Variants in ST6GALNAC3 observed in about 807,000 individuals in gnomAD.
The protein encoded by ST6GALNAC3 is alpha-N-acetylgalactosaminide alpha-2,6-sialyltransferase 3.
Under a neutral mutation model 32.7 loss-of-function variants are expected in ST6GALNAC3, and 25 were observed. The ratio of observed to expected loss-of-function variants is 0.76; its 90% CI spans 0.56 to 1.07. ST6GALNAC3 has a LOEUF of 1.07. Among genes scored for constraint, ST6GALNAC3 ranks in the 50% least tolerant of loss-of-function variants. The pLI, the probability that ST6GALNAC3 is intolerant of heterozygous loss-of-function variation, is 0.00. For missense variants in ST6GALNAC3, 355 were observed against 382.4 expected, an observed-to-expected ratio of 0.93 and a Z score of 0.60; for synonymous variants, 129 against 133.1, an observed-to-expected ratio of 0.97 and a Z score of 0.21.
intron 1 of ST6GALNAC3, among the ~76,000 whole-genome samples, chr1:76,239,342 T>A (rs141509354): frequency 3.3e-5 from 5 of 152,186 alleles, no homozygotes; most frequent in African/African-American, 7.2e-5. Flanking sequence ...GGAGAGAGGA[T>A]GTATTAATCC....
At chr1:76,535,046 T>A (rs1326664425) in intron 3 of ST6GALNAC3, among the ~76,000 whole-genome samples, 1 of 152,154 alleles carries the variant, frequency 6.6e-6, no homozygotes, top group Non-Finnish European at 1.5e-5. Flanking sequence ...AATAAAATAA[T>A]CTTCAATGTA....
At chr1:76,613,532 G>T (rs1187361262) in intron 3 of ST6GALNAC3, among the ~76,000 whole-genome samples, 1 of 152,218 alleles carries the variant, frequency 6.6e-6, no homozygotes, top group Admixed American at 6.5e-5. Context: ...ATATGGTTTG[G>T]ATTTGTATCC....
chr1:76,338,687 C>A (rs375276846), intron 2 of ST6GALNAC3, among the ~76,000 whole-genome samples: 1 of 152,040 alleles, frequency 6.6e-6, no homozygotes, highest in Non-Finnish European at 1.5e-5. Flanking sequence ...ACCTACAAAG[C>A]AAAAGATGGC....
At chr1:76,082,454 T>G (rs1646909869) in intron 1 of ST6GALNAC3, among the ~76,000 whole-genome samples, 1 of 152,158 alleles carries the variant, frequency 6.6e-6, no homozygotes, top group South Asian at 2.1e-4. Flanking sequence ...ACCCCAAATT[T>G]GTTAATTTCT....
chr1:76,198,757 T>C (rs113479970), intron 1 of ST6GALNAC3, among the ~76,000 whole-genome samples: 1 of 152,132 alleles, frequency 6.6e-6, no homozygotes, highest in Admixed American at 6.5e-5. Context: ...ATTTTAGATA[T>C]GTCGGATTTG....
chr1:76,587,724 TA>T (rs1271741618), intron 3 of ST6GALNAC3, among the ~76,000 whole-genome samples: 2 of 152,276 alleles, frequency 1.3e-5, no homozygotes, highest in East Asian at 3.9e-4. Flanking sequence ...AAATGGAATT[TA>T]AAAGGAGAGC....
chr1:76,556,779 TA>T (rs1450333517), intron 3 of ST6GALNAC3, among the ~76,000 whole-genome samples: 1 of 152,144 alleles, frequency 6.6e-6, no homozygotes, highest in African/African-American at 2.4e-5. Context: ...CATCCTTAAT[TA>T]TATGTATGAT....
intron 1 of ST6GALNAC3, among the ~76,000 whole-genome samples, chr1:76,151,963 T>G (rs1023647635): frequency 6.6e-6 from 1 of 152,188 alleles, no homozygotes; most frequent in African/African-American, 2.4e-5. Flanking sequence ...TGCAGTGCCC[T>G]TTCCACTTGG....
chr1:76,507,624 A>G (rs551719612), intron 3 of ST6GALNAC3, among the ~76,000 whole-genome samples: 1 of 152,208 alleles, frequency 6.6e-6, no homozygotes, highest in East Asian at 1.9e-4. Flanking sequence ...TTTATGGCTA[A>G]GTTATACTCT....
At chr1:76,338,500 G>T (rs934118894) in intron 2 of ST6GALNAC3, among the ~76,000 whole-genome samples, 2 of 152,130 alleles carry the variant, frequency 1.3e-5, no homozygotes, top group Non-Finnish European at 2.9e-5. Context: ...CCTGCACTGG[G>T]GCTGTAGCAT....
chr1:76,367,161 T>C (rs1259283517), intron 2 of ST6GALNAC3, among the ~76,000 whole-genome samples: 1 of 152,234 alleles, frequency 6.6e-6, no homozygotes, highest in African/African-American at 2.4e-5. Flanking sequence ...CATGTAATTA[T>C]GCTTGCAAGC....
At chr1:76,292,115 A>C (rs1660132887) in intron 1 of ST6GALNAC3, among the ~76,000 whole-genome samples, 1 of 152,254 alleles carries the variant, frequency 6.6e-6, no homozygotes, top group South Asian at 2.1e-4. Flanking sequence ...TATTAATTGT[A>C]GCTTGTCATA....
chr1:76,202,564 G>A (rs1298858764), intron 1 of ST6GALNAC3, among the ~76,000 whole-genome samples: 1 of 152,124 alleles, frequency 6.6e-6, no homozygotes, highest in Non-Finnish European at 1.5e-5. Flanking sequence ...ATGAATGTGT[G>A]TATAAGTAGT....
chr1:76,216,191 T>A (rs921539838), intron 1 of ST6GALNAC3, among the ~76,000 whole-genome samples: 30 of 152,176 alleles, frequency 2.0e-4, no homozygotes, highest in African/African-American at 7.0e-4. Flanking sequence ...ATGTTTTTGC[T>A]CAGATTACAA....
chr1:76,371,402 A>T (rs1036022404), intron 2 of ST6GALNAC3, among the ~76,000 whole-genome samples: 24 of 152,184 alleles, frequency 1.6e-4, no homozygotes, highest in African/African-American at 5.5e-4. Flanking sequence ...GAATAAGGGG[A>T]AGTATTTGAA....
intron 3 of ST6GALNAC3, among the ~76,000 whole-genome samples, chr1:76,507,505 A>T (rs902390023): frequency 6.6e-6 from 1 of 152,164 alleles, no homozygotes; most frequent in Non-Finnish European, 1.5e-5. Context: ...AGGTTTGCCT[A>T]TTCTGGCTAT....
At chr1:76,106,580 T>C (rs1003823637) in intron 1 of ST6GALNAC3, among the ~76,000 whole-genome samples, 2 of 152,140 alleles carry the variant, frequency 1.3e-5, no homozygotes, top group Non-Finnish European at 2.9e-5. Flanking sequence ...GGTGCACCCA[T>C]GCTCCTCAAA....
chr1:76,139,833 T>C (rs1315230612), intron 1 of ST6GALNAC3, among the ~76,000 whole-genome samples: 1 of 152,184 alleles, frequency 6.6e-6, no homozygotes, highest in Admixed American at 6.5e-5. Context: ...ATCTTTCAGA[T>C]TCTAACTCTA....
chr1:76,456,229 C>T (rs1571287044), intron 3 of ST6GALNAC3, among the ~76,000 whole-genome samples: 1 of 152,142 alleles, frequency 6.6e-6, no homozygotes, highest in Non-Finnish European at 1.5e-5. Context: ...AACCACAGTA[C>T]AATTCAGCTA....
Sources: allele counts gnomAD v4.1 joint callset (sites outside exome capture counted in the v4.1 genomes callset), GRCh38; gene constraint gnomAD v4.1.1; transcripts MANE v1.5; gene names NCBI Gene and HGNC (gene_info 2026-07-23, HGNC 2026-07-21).